Variants in ADSS2 observed in about 807,000 individuals in gnomAD.
ADSS2 encodes adenylosuccinate synthase 2, also known as adenylosuccinate synthetase isozyme 2.
Under a neutral mutation model 60.0 loss-of-function variants are expected in ADSS2, and 30 were observed. The ratio of observed to expected loss-of-function variants is 0.50; its 90% CI spans 0.37 to 0.68. The LOEUF is 0.68. Among genes scored for constraint, ADSS2 ranks in the 30% least tolerant of loss-of-function variants. ADSS2 has a pLI of 0.00. For missense variants in ADSS2, 373 were observed against 554.8 expected, an observed-to-expected ratio of 0.67 and a Z score of 3.29; for synonymous variants, 187 against 193.1, an observed-to-expected ratio of 0.97 and a Z score of 0.26.
chr1:244,434,583 C>G (rs1665037502), intron 3 of ADSS2, among the ~76,000 whole-genome samples: 3 of 152,102 alleles, frequency 2.0e-5, no homozygotes, highest in African/African-American at 7.2e-5. Context: ...TTAAGCCTCC[C>G]CTTCTACGGT....
At chr1:244,437,900 T>C in intron 1 of ADSS2, 132 bp from the exon 2 acceptor site, 1 of 692,196 alleles carries the variant, frequency 1.4e-6, no homozygotes, top group Non-Finnish European at 2.5e-6. Flanking sequence ...CCACCTCTAC[T>C]CATTTGTAAA....
intron 1 of ADSS2, among the ~76,000 whole-genome samples, chr1:244,441,220 G>T (rs909227017): frequency 3.9e-5 from 6 of 151,976 alleles, no homozygotes; most frequent in Non-Finnish European, 7.4e-5. Flanking sequence ...CGCCATGCCC[G>T]GCTAATTTTT....
intron 3 of ADSS2, among the ~76,000 whole-genome samples, chr1:244,434,960 A>C (rs967652010): frequency 1.3e-5 from 2 of 151,970 alleles, no homozygotes; most frequent in Non-Finnish European, 2.9e-5. Context: ...CGAAGTCAGG[A>C]GTTTGAGACC....
At chr1:244,436,121 T>A (rs896887811) in intron 3 of ADSS2, among the ~76,000 whole-genome samples, 1 of 152,208 alleles carries the variant, frequency 6.6e-6, no homozygotes, top group African/African-American at 2.4e-5. Flanking sequence ...ACTCGCTGCA[T>A]GAGGTCGGGT....
chr1:244,421,539 T>A (rs1379540833), intron 7 of ADSS2, among the ~76,000 whole-genome samples: 1 of 152,238 alleles, frequency 6.6e-6, no homozygotes, highest in Non-Finnish European at 1.5e-5. Flanking sequence ...ATACATTACC[T>A]ATAAGAATCT....
intron 11 of ADSS2, 121 bp downstream of exon 11, chr1:244,415,852 TTTGCACTA>T: frequency 4.6e-6 from 3 of 647,172 alleles, no homozygotes; most frequent in African/African-American, 1.8e-5. Flanking sequence ...AGTGAGCAAA[TTTGCACTA>T]ATCATAAAGG....
chr1:244,451,643 G>C lies in ADSS2; in HGVS notation c.175C>G (p.Arg59Gly). 6.2e-7 allele frequency: 1 copy of C among 1,609,290 alleles called. No homozygotes were observed. The highest frequency in any genetic ancestry group is 8.5e-7 in the Non-Finnish European group (1 of 1,177,602). ...LLAQDADIVC[R>G]CQGGNNAGHT... is the part of the protein sequence containing the mutation. Reference sequence around the variant, plus strand: ...AGGCCCCGTCGCCTCACCTGGCAGCGGCACACGATGTCGGCGTCCTGCGCC... The same window carrying C: ...AGGCCCCGTCGCCTCACCTGGCAGCCGCACACGATGTCGGCGTCCTGCGCC... The change falls in exon 1 of 13, where the codon CGC becomes GGC. Residue 59 changes from arginine (R) to glycine (G), a missense_variant. Around this residue, in one of 5 missense-constraint regions of ADSS2, gnomAD observed 29 missense variants for 73.3 expected, o/e 0.40. Transcript: ENST00000366535. This position sits in a 1 kb window ranked among gnomAD's most constrained non-coding sequence, Gnocchi z 6.6.
At chr1:244,423,863 G>A in intron 6 of ADSS2, 90 bp downstream of exon 6, 1 of 967,736 alleles carries the variant, frequency 1.0e-6, no homozygotes, top group South Asian at 1.7e-5. Context: ...TATTTAACTA[G>A]AATACCGACT....
chr1:244,418,159 C>A (rs530545170), intron 9 of ADSS2, among the ~76,000 whole-genome samples: 2 of 152,202 alleles, frequency 1.3e-5, no homozygotes, highest in African/African-American at 4.8e-5. Context: ...AAACTAAGAT[C>A]GAAAACATGC....
chr1:244,417,558 C>T, intron 10 of ADSS2, 70 bp downstream of exon 10: 1 of 1,559,200 alleles, frequency 6.4e-7, no homozygotes, highest in East Asian at 2.3e-5. Flanking sequence ...TAAGGTACTC[C>T]ACAAAATTAA....
chr1:244,429,638 G>C (rs1664886298), intron 4 of ADSS2, among the ~76,000 whole-genome samples: 1 of 152,118 alleles, frequency 6.6e-6, no homozygotes, highest in Non-Finnish European at 1.5e-5. Flanking sequence ...GCCTGTAATT[G>C]GGAGGCCAGG....
Position 244,411,439 on chromosome 1 carries a change from A to T in ADSS2, c.1169-3T>A. ...TTTATTTAAGACTTCTTGGTTTGCT[A>T]AAAGTTAAAGAGGACATTTATTCAT... On this transcript the variant is annotated splice_region_variant and splice_polypyrimidine_tract_variant and intron_variant, in intron 11 of 12. Transcript: ENST00000366535. 1 of 1,607,820 alleles carries T rather than the reference A, an allele frequency of 6.2e-7. No homozygotes were observed. Among genetic ancestry groups the T allele is most frequent in the Non-Finnish European group, 8.5e-7 (1 of 1,178,432 alleles).
chr1:244,415,884 G>T, intron 11 of ADSS2, 97 bp downstream of exon 11: 1 of 873,600 alleles, frequency 1.1e-6, no homozygotes, highest in Non-Finnish European at 1.8e-6. Context: ...TATCAAACCT[G>T]TCGCTATCTA....
chr1:244,413,519 G>C (rs1361295318), intron 11 of ADSS2, among the ~76,000 whole-genome samples: 2 of 152,228 alleles, frequency 1.3e-5, no homozygotes, highest in Admixed American at 6.5e-5. Context: ...CCACAGTTCA[G>C]AACACTGGTG....
chr1:244,423,710 T>C (rs1471707291), intron 6 of ADSS2, among the ~76,000 whole-genome samples: 2 of 152,212 alleles, frequency 1.3e-5, no homozygotes, highest in Non-Finnish European at 2.9e-5. Context: ...AATTCTTAAA[T>C]ATAACTCTGG....
At chr1:244,432,329 C>G (rs559076489) in intron 4 of ADSS2, among the ~76,000 whole-genome samples, 1 of 152,116 alleles carries the variant, frequency 6.6e-6, no homozygotes, top group East Asian at 1.9e-4. Context: ...TATAAATTTG[C>G]TTAGCTAACC....
chr1:244,442,946 A>T (rs1665282909), intron 1 of ADSS2, among the ~76,000 whole-genome samples: 1 of 152,130 alleles, frequency 6.6e-6, no homozygotes. Context: ...TGAGCACCAT[A>T]ACCAAAAACA....
intron 5 of ADSS2, 53 bp downstream of exon 5, chr1:244,424,268 T>C (rs1664743795): frequency 6.6e-7 from 1 of 1,523,454 alleles, no homozygotes; most frequent in Non-Finnish European, 9.0e-7. Context: ...AACTAAAATA[T>C]AAAGGTCTGC....
intron 9 of ADSS2, among the ~76,000 whole-genome samples, chr1:244,418,493 G>T (rs1664588054): frequency 6.6e-6 from 1 of 151,962 alleles, no homozygotes; most frequent in African/African-American, 2.4e-5. Context: ...GCTAATGTTT[G>T]TATTTTTTGT....
Sources: gnomAD v4.1 joint callset for allele counts (sites outside exome capture counted in the v4.1 genomes callset) on GRCh38, gnomAD v4.1.1 for gene constraint, gnomAD v4.1.1 regional missense constraint, Gnocchi (gnomAD v3.1) non-coding constraint, MANE v1.5 for transcripts, NCBI Gene and HGNC (gene_info 2026-07-23, HGNC 2026-07-21) for gene names.